SNX33: variants seen among roughly 807,000 people sequenced by gnomAD.
The protein encoded by SNX33 is sorting nexin-33.
Under a neutral mutation model 38.8 loss-of-function variants are expected in SNX33, and 19 were observed. The observed-to-expected ratio is 0.49, with a 90% CI of 0.34 to 0.72. The LOEUF (loss-of-function observed/expected upper bound fraction) is 0.72, where lower values mean the gene tolerates loss of function less well. Among genes scored for constraint, SNX33 ranks in the 30% least tolerant of loss-of-function variants. The pLI, the probability that SNX33 is intolerant of heterozygous loss-of-function variation, is 0.01. For synonymous variants in SNX33, 246 were observed against 289.7 expected (o/e 0.85, Z 1.53); for missense variants, 641 against 776.4 (o/e 0.83, Z 2.07).
At position 75,658,927 on chromosome 15, in the gene SNX33, TG is replaced by T. The variant is rs1489046380; in HGVS notation, c.*1716del. On this transcript the variant is annotated 3_prime_UTR_variant, in exon 2 of 2. Transcript: ENST00000308527. This position sits in a 1 kb window ranked among gnomAD's most constrained non-coding sequence, Gnocchi z 4.1. ...GGACTGGCTGTACTGCCTTGTGATC[TG>T]GGGCTGAGGGTTGTATGAGGAAGGG... is the stretch of plus-strand genomic sequence containing the variant. The T allele has an allele frequency of 6.6e-6, 1 of 152,360 alleles. No homozygotes were observed. The highest frequency in any genetic ancestry group is 1.5e-5 in the Non-Finnish European group (1 of 68,176). The allele number at this position is 152,360 out of a possible 1,614,324, so 9.4% of individuals were successfully genotyped here. A position where few individuals can be genotyped will look rare whatever the true frequency, so the allele number is the denominator to read the frequency against.
In SNX33 at chr15:75,650,423, A is replaced by G; in HGVS notation, c.1321A>G (p.Ser441Gly). ...DPPFCSEALN[S>G]AISHTGRTYE... Reference sequence around the variant, plus strand: ...CCCCTTTTGCTCTGAGGCCCTCAACAGTGCCATTTCTCACACGGGCCGTAC... The same window carrying G: ...CCCCTTTTGCTCTGAGGCCCTCAACGGTGCCATTTCTCACACGGGCCGTAC... Residue 441 changes from serine (S) to glycine (G), a missense_variant, in exon 1 of 2, where the codon AGT becomes GGT. Physicochemically the swap from Ser to Gly is moderately conservative, Grantham distance 56. This residue lies in a region of SNX33 where 398 missense variants were observed against 542.5 expected (regional missense o/e 0.73). Transcript: ENST00000308527. The surrounding 1 kb of genome is among the most constrained non-coding windows in gnomAD (Gnocchi z 6.1). The G allele has an allele frequency of 6.2e-7, 1 of 1,614,092 alleles. No individual in the cohort carries two copies. The highest frequency in any genetic ancestry group is 8.5e-7 in the Non-Finnish European group (1 of 1,179,998).
At position 75,657,320 on chromosome 15, in the gene SNX33, T is replaced by G. The variant is rs1304789833; in HGVS notation, c.*105T>G. ...CAGTGACTGGGGGAGGGGTCAGCGG[T>G]GGGGGAGATAAGCGGCCTGTCCTGC... On this transcript the variant is annotated 3_prime_UTR_variant, in exon 2 of 2. Transcript: ENST00000308527. The surrounding 1 kb of genome is among the most constrained non-coding windows in gnomAD (Gnocchi z 5.5). 1 of 1,546,592 alleles carries G rather than the reference T, an allele frequency of 6.5e-7. No homozygotes were observed. The highest frequency in any genetic ancestry group is 8.7e-7 in the Non-Finnish European group (1 of 1,144,632).
chr15:75,657,119 G>C lies in SNX33; in HGVS notation c.1629G>C (p.Lys543Asn). ...ACCAGCGCCGTGAGCTCGACTTCAAGCACATGATGCAGAACTACTTGCGCC... is the reference window on the plus strand; with the variant it reads ...ACCAGCGCCGTGAGCTCGACTTCAACCACATGATGCAGAACTACTTGCGCC... ...HFHQRRELDFKHMMQNYLRQQ... is the reference protein window; with the variant it reads ...HFHQRRELDFNHMMQNYLRQQ... Residue 543 changes from lysine to asparagine, a missense_variant, in exon 2 of 2, where the codon AAG becomes AAC. Lys to Asn is a moderately conservative substitution (Grantham distance 94). This residue lies in a region of SNX33 where 398 missense variants were observed against 542.5 expected (regional missense o/e 0.73). Coordinates refer to ENST00000308527, the MANE Select transcript of SNX33 (RefSeq NM_153271.2). This position sits in a 1 kb window ranked among gnomAD's most constrained non-coding sequence, Gnocchi z 5.5. 3 of 1,614,198 alleles carry C rather than the reference G, an allele frequency of 1.9e-6. No homozygotes were observed.
At chr15:75,652,985 G>A (rs550070652) in intron 1 of SNX33, among the ~76,000 whole-genome samples, 1 of 152,258 alleles carries the variant, frequency 6.6e-6, no homozygotes, top group South Asian at 2.1e-4. Context: ...GAGTGTGTGG[G>A]AGGAAGGACA....
At chr15:75,654,488 G>C (rs1237990155) in intron 1 of SNX33, among the ~76,000 whole-genome samples, 1 of 152,224 alleles carries the variant, frequency 6.6e-6, no homozygotes. Flanking sequence ...AAGATGGATT[G>C]AGGTGGGAGC....
Position 75,649,255 on chromosome 15 carries a change from T to A in SNX33, c.153T>A (p.Phe51Leu). 6.2e-7 allele frequency: 1 copy of A among 1,614,114 alleles called. No individual in the cohort carries two copies. Among genetic ancestry groups the A allele is most frequent in the Non-Finnish European group, 8.5e-7 (1 of 1,179,986 alleles). Residue 51 changes from phenylalanine to leucine, a missense_variant, in exon 1 of 2, where the codon TTT (phenylalanine) becomes TTA (leucine). Transcript: ENST00000308527. The surrounding 1 kb of genome is among the most constrained non-coding windows in gnomAD (Gnocchi z 6.6). ...ACAGCCGTGGGGAGACAGGGCTCTTTCCTGCCTCTTATGTGGAGATCGTCC... is the reference window on the plus strand; with the variant it reads ...ACAGCCGTGGGGAGACAGGGCTCTTACCTGCCTCTTATGTGGAGATCGTCC... ...GQNSRGETGL[F>L]PASYVEIVRS...
rs1893558915 is a variant in SNX33 at position 75,650,165 on chromosome 15, G to A, written c.1063G>A (p.Gly355Ser). 1 of 1,610,400 alleles carries A rather than the reference G, an allele frequency of 6.2e-7. No homozygotes were observed. The highest frequency in any genetic ancestry group is 8.5e-7 in the Non-Finnish European group (1 of 1,178,158). The change falls in exon 1 of 2, where the codon GGT becomes AGT. Residue 355 changes from glycine to serine, a missense_variant. Physicochemically the swap from Gly to Ser is moderately conservative, Grantham distance 56. This residue lies in a region of SNX33 where 398 missense variants were observed against 542.5 expected (regional missense o/e 0.73). Transcript: ENST00000308527. This position sits in a 1 kb window ranked among gnomAD's most constrained non-coding sequence, Gnocchi z 6.1. ...KRRAEKDEMV[G>S]ASFLLTFQIP... is the part of the protein sequence containing the mutation. ...CCGGGCGGAGAAGGATGAGATGGTG[G>A]GTGCCAGCTTCCTGCTCACCTTCCA...
At chr15:75,656,582 T>A (rs1457898038) in intron 1 of SNX33, among the ~76,000 whole-genome samples, 3 of 151,838 alleles carry the variant, frequency 2.0e-5, no homozygotes, top group Non-Finnish European at 4.4e-5. Context: ...AGGGACAGGG[T>A]TGAATCAGTT....
chr15:75,652,994 C>T (rs964365594), intron 1 of SNX33, among the ~76,000 whole-genome samples: 4 of 152,084 alleles, frequency 2.6e-5, no homozygotes, highest in Admixed American at 6.5e-5. Flanking sequence ...GGAGGAAGGA[C>T]AGTGGAGGCC....
At position 75,657,294 on chromosome 15, in the gene SNX33, G is replaced by C; in HGVS notation, c.*79G>C. On this transcript the variant is annotated 3_prime_UTR_variant, in exon 2 of 2. Transcript: ENST00000308527. The surrounding 1 kb of genome is among the most constrained non-coding windows in gnomAD (Gnocchi z 5.5). The stretch of plus-strand genomic sequence containing the variant: ...CCACTTTCCCGACCTCCCTATACCA[G>C]CAGTGACTGGGGGAGGGGTCAGCGG... 1 of 1,579,636 alleles carries C rather than the reference G, an allele frequency of 6.3e-7. No individual in the cohort carries two copies. Among genetic ancestry groups the C allele is most frequent in the Admixed American group, 1.7e-5 (1 of 58,890 alleles).
chr15:75,656,949 C>T lies in SNX33; in HGVS notation c.1472-13C>T. ...GAGCCCTCACACGCTGTCCTCTGCT[C>T]TGCCTATGCCAGGCGCCTTCGCCAA... On this transcript the variant is annotated splice_polypyrimidine_tract_variant and intron_variant, in intron 1 of 1. Coordinates refer to ENST00000308527, the MANE Select transcript of SNX33 (RefSeq NM_153271.2). 1 of 1,609,426 alleles carries T rather than the reference C, an allele frequency of 6.2e-7. No individual in the cohort carries two copies.
rs1893526763 is a variant in SNX33, at chr15:75,648,495, C to A, written c.-608C>A. 7 of 985,458 alleles carry A rather than the reference C, an allele frequency of 7.1e-6. No individual in the cohort carries two copies. Among genetic ancestry groups the A allele is most frequent in the Non-Finnish European group, 8.4e-6 (7 of 829,966 alleles). 61.0% of individuals were successfully genotyped at this position (985,458 alleles called of 1,614,324 possible). A position where few individuals can be genotyped will look rare whatever the true frequency, so the allele number is the denominator to read the frequency against. ...CCCTTGGACTCGATTCAGGCGGCTGCTGCTTTTCTCCTTGCCCCTCTTGGA... is the reference window on the plus strand; with the variant it reads ...CCCTTGGACTCGATTCAGGCGGCTGATGCTTTTCTCCTTGCCCCTCTTGGA... On this transcript the variant is annotated 5_prime_UTR_variant, in exon 1 of 2. The change creates a new upstream start codon in the 5' untranslated region. Coordinates refer to ENST00000308527, the MANE Select transcript of SNX33 (RefSeq NM_153271.2). This position sits in a 1 kb window ranked among gnomAD's most constrained non-coding sequence, Gnocchi z 4.4.
intron 1 of SNX33, among the ~76,000 whole-genome samples, chr15:75,651,458 GAT>G (rs1181648295): frequency 3.8e-4 from 58 of 151,994 alleles, no homozygotes; most frequent in African/African-American, 1.3e-3. Flanking sequence ...GGAGGGACAG[GAT>G]GGGCCTCTGC....
At position 75,659,081 on chromosome 15, in the gene SNX33, T is replaced by G. The variant is rs1369895135; in HGVS notation, c.*1866T>G. The G allele has an allele frequency of 6.6e-6, 1 of 152,296 alleles. No homozygotes were observed. Among genetic ancestry groups the G allele is most frequent in the East Asian group, 1.9e-4 (1 of 5,202 alleles). The allele number at this position is 152,296 out of a possible 1,614,324, so 9.4% of individuals were successfully genotyped here. Reference sequence around the variant, plus strand: ...GTGGGGGACTCAGAAGCTGTGTCTCTTCCCCAAACCGTCCTGGGTACCCAG... The same window carrying G: ...GTGGGGGACTCAGAAGCTGTGTCTCGTCCCCAAACCGTCCTGGGTACCCAG... On this transcript the variant is annotated 3_prime_UTR_variant, in exon 2 of 2. Transcript: ENST00000308527.
At position 75,649,026 on chromosome 15, in the gene SNX33, C is replaced by A; in HGVS notation, c.-77C>A. 1 of 1,503,060 alleles carries A rather than the reference C, an allele frequency of 6.7e-7. No individual in the cohort carries two copies. Among genetic ancestry groups the A allele is most frequent in the Non-Finnish European group, 8.9e-7 (1 of 1,122,878 alleles). The allele number at this position is 1,503,060 out of a possible 1,614,324, so 93.1% of individuals were successfully genotyped here. On this transcript the variant is annotated 5_prime_UTR_variant, in exon 1 of 2. Transcript: ENST00000308527. The surrounding 1 kb of genome is among the most constrained non-coding windows in gnomAD (Gnocchi z 6.6). ...AGCGCCATTCAGCTGCGAGTGCATTCTTGGACTGCCTTGTGAGCATCCCCG... is the reference window on the plus strand; with the variant it reads ...AGCGCCATTCAGCTGCGAGTGCATTATTGGACTGCCTTGTGAGCATCCCCG...
rs776040564 is a variant in SNX33, at chr15:75,649,122, C to G, written c.20C>G (p.Ala7Gly). ...CCAGCCATGGCACTGAAAGGCCGAG[C>G]CCTCTATGACTTTCACAGTGAGAAC... MALKGR[A>G]LYDFHSENKE... Residue 7 changes from alanine to glycine, a missense_variant, in exon 1 of 2, where the codon GCC becomes GGC. This residue lies in a region of SNX33 where 243 missense variants were observed against 233.9 expected (regional missense o/e 1.04). Transcript: ENST00000308527. The surrounding 1 kb of genome is among the most constrained non-coding windows in gnomAD (Gnocchi z 6.6). 1.3e-6 allele frequency: 2 copies of G among 1,597,728 alleles called. No homozygotes were observed. Among genetic ancestry groups the G allele is most frequent in the South Asian group, 1.1e-5 (1 of 89,588 alleles).
chr15:75,650,722 G>C lies in SNX33; in HGVS notation c.1471+149G>C, dbSNP rs892947250. On this transcript the variant is annotated intron_variant, in intron 1 of 1. Coordinates refer to ENST00000308527, the MANE Select transcript of SNX33 (RefSeq NM_153271.2). This position sits in a 1 kb window ranked among gnomAD's most constrained non-coding sequence, Gnocchi z 6.1. ...TTAACAAATGTGTTGGGCTGGGCAC[G>C]GTGGCTTACGCTTGTAATCTCAGCA... 1.6e-5 allele frequency: 18 copies of C among 1,143,044 alleles called. No homozygotes were observed. The highest frequency in any genetic ancestry group is 2.0e-5 in the Non-Finnish European group (17 of 847,374). 70.8% of individuals were successfully genotyped at this position (1,143,044 alleles called of 1,614,324 possible). A position where few individuals can be genotyped will look rare whatever the true frequency, so the allele number is the denominator to read the frequency against.
rs77714603 is a variant in SNX33, at chr15:75,654,097, T to TAA, written c.1472-2848_1472-2847dup. 1.8e-3 allele frequency among the ~76,000 whole-genome samples: 197 copies of TAA among 111,044 alleles called. 1 individual carries two copies. Among genetic ancestry groups the TAA allele is most frequent in the African/African-American group, 5.4e-3 (158 of 29,300 alleles). The allele number at this position is 111,044 out of a possible 152,430, so 72.8% of individuals were successfully genotyped here. A position where few individuals can be genotyped will look rare whatever the true frequency, so the allele number is the denominator to read the frequency against. On this transcript the variant is annotated intron_variant, in intron 1 of 1. Coordinates refer to ENST00000308527, the MANE Select transcript of SNX33 (RefSeq NM_153271.2). ...AGCAGAACAAGACTCCATCTCAAAT[T>TAA]AAAAAAAAAAAAAAAAAAGAAAAGA... is the stretch of plus-strand genomic sequence containing the variant.
In SNX33 at chr15:75,648,054, C is replaced by T. The variant is rs1893519091; in HGVS notation, c.-1049C>T. On this transcript the variant is annotated 5_prime_UTR_variant, in exon 1 of 2. Coordinates refer to ENST00000308527, the MANE Select transcript of SNX33 (RefSeq NM_153271.2). This position sits in a 1 kb window ranked among gnomAD's most constrained non-coding sequence, Gnocchi z 4.4. ...GAGGACGGACGGACAGACGGCTGGC[C>T]GCGCCATCTGCTCGCCGGAGCTCAC... 1.0e-6 allele frequency: 1 copy of T among 985,450 alleles called. No homozygotes were observed. The highest frequency in any genetic ancestry group is 1.2e-6 in the Non-Finnish European group (1 of 829,942). The allele number at this position is 985,450 out of a possible 1,614,324, so 61.0% of individuals were successfully genotyped here. A position where few individuals can be genotyped will look rare whatever the true frequency, so the allele number is the denominator to read the frequency against.
Sources: allele counts gnomAD v4.1 joint callset (sites outside exome capture counted in the v4.1 genomes callset), GRCh38; gene constraint gnomAD v4.1.1; regional missense constraint gnomAD v4.1.1; non-coding constraint Gnocchi (gnomAD v3.1); transcripts MANE v1.5; gene names NCBI Gene and HGNC (gene_info 2026-07-23, HGNC 2026-07-21).